CDH20: variants seen among roughly 807,000 people sequenced by gnomAD.
CDH20 encodes the protein cadherin-20.
A neutral mutation model predicts 74.2 loss-of-function variants in CDH20; 29 were observed. The observed-to-expected ratio is 0.39, with a 90% confidence interval of 0.29 to 0.53. The LOEUF is 0.53. CDH20 is among the 20% of genes least tolerant of loss of function. CDH20 has a pLI of 0.69. For missense variants in CDH20, 988 were observed against 1,048.3 expected (o/e 0.94, Z 0.79); for synonymous variants, 469 against 405.4 (o/e 1.16, Z -1.88).
chr18:61,500,527 G>C (rs766228870), intron 4 of CDH20, 25 bp downstream of exon 4: 1 of 1,594,162 alleles, frequency 6.3e-7, no homozygotes, highest in Non-Finnish European at 8.6e-7. Context: ...GGTCGAGTCA[G>C]AGGTGTTTAT....
chr18:61,386,964 T>C (rs1911620506), intron 1 of CDH20, among the ~76,000 whole-genome samples: 1 of 152,210 alleles, frequency 6.6e-6, no homozygotes, highest in South Asian at 2.1e-4. Flanking sequence ...ATTTCTACAT[T>C]TTACAAAGTT....
At position 61,554,259 on chromosome 18, in the gene CDH20, A is replaced by G; in HGVS notation, c.1970A>G (p.Asn657Ser). The G allele has an allele frequency of 1.9e-6, 3 of 1,614,022 alleles. No homozygotes were observed. Among genetic ancestry groups the G allele is most frequent in the Non-Finnish European group, 2.5e-6 (3 of 1,179,998 alleles). ...KQPYIIDDEENIHENIVRYDD... is the reference protein window; with the variant it reads ...KQPYIIDDEESIHENIVRYDD... Reference sequence around the variant, plus strand: ...CCATACATCATCGACGACGAGGAAAACATCCACGAGAACATCGTCCGCTAC... The same window carrying G: ...CCATACATCATCGACGACGAGGAAAGCATCCACGAGAACATCGTCCGCTAC... The change falls in exon 12 of 12, where the codon AAC (asparagine) becomes AGC (serine). Residue 657 changes from asparagine (N) to serine (S), a missense_variant. Asn to Ser is a conservative substitution (Grantham distance 46, BLOSUM62 1). This residue lies in a region of CDH20 where 375 missense variants were observed against 293.1 expected (regional missense o/e 1.28). Transcript: ENST00000262717.
At chr18:61,420,084 G>C (rs1912824251) in intron 1 of CDH20, among the ~76,000 whole-genome samples, 1 of 152,094 alleles carries the variant, frequency 6.6e-6, no homozygotes, top group South Asian at 2.1e-4. Flanking sequence ...TTGTTGATTT[G>C]TATTGAGTTT....
chr18:61,462,246 C>T (rs1261434827), intron 1 of CDH20, among the ~76,000 whole-genome samples: 3 of 152,116 alleles, frequency 2.0e-5, no homozygotes, highest in Admixed American at 6.5e-5. Flanking sequence ...TTGCTTTAGT[C>T]ATTTCACAAT....
chr18:61,408,076 A>G (rs1370455871), intron 1 of CDH20, among the ~76,000 whole-genome samples: 1 of 151,924 alleles, frequency 6.6e-6, no homozygotes, highest in Admixed American at 6.5e-5. Context: ...ATAAAATCAA[A>G]ATCATTTCAA....
intron 1 of CDH20, among the ~76,000 whole-genome samples, chr18:61,367,180 G>A (rs1910890521): frequency 6.6e-6 from 1 of 152,130 alleles, no homozygotes; most frequent in African/African-American, 2.4e-5. Context: ...TCTTAAGAAA[G>A]TAAGAAGAGA....
Position 61,539,019 on chromosome 18 carries a change from T to C in CDH20, c.1409-5T>C, listed in dbSNP as rs781771401. On this transcript the variant is annotated splice_polypyrimidine_tract_variant and splice_region_variant and intron_variant, in intron 8 of 11. Coordinates refer to ENST00000262717, the MANE Select transcript of CDH20 (RefSeq NM_031891.4). ...CAGATTTGGTTTTCCTTGTGTTCCCTTTAGACAATCCCTCCCAGGTTGGAA... is the reference window on the plus strand; with the variant it reads ...CAGATTTGGTTTTCCTTGTGTTCCCCTTAGACAATCCCTCCCAGGTTGGAA... 1.2e-6 allele frequency: 2 copies of C among 1,613,792 alleles called. No homozygotes were observed. The highest frequency in any genetic ancestry group is 2.7e-5 in the African/African-American group (2 of 75,018).
chr18:61,334,307 T>C (rs1599020443), intron 1 of CDH20: 1 of 152,150 alleles, frequency 6.6e-6, no homozygotes, highest in East Asian at 2.0e-4. Context: ...AGAGCCAGGC[T>C]CCGGGGAGGC....
At chr18:61,492,011 T>C (rs1021925016) in intron 2 of CDH20, among the ~76,000 whole-genome samples, 3 of 152,156 alleles carry the variant, frequency 2.0e-5, no homozygotes, top group Non-Finnish European at 4.4e-5. Flanking sequence ...TCTGCAGTTT[T>C]GAATGCCATG....
At chr18:61,376,698 GTTTC>G (rs1216477460) in intron 1 of CDH20, among the ~76,000 whole-genome samples, 3 of 152,160 alleles carry the variant, frequency 2.0e-5, no homozygotes, top group African/African-American at 7.2e-5. Flanking sequence ...TCTGAAGACA[GTTTC>G]TTTATGAGTA....
intron 8 of CDH20, among the ~76,000 whole-genome samples, chr18:61,538,674 A>AGT (rs1247020716): frequency 7.6e-6 from 1 of 132,440 alleles, no homozygotes; most frequent in African/African-American, 2.9e-5. Flanking sequence ...GCCGGACTGC[A>AGT]GTGGTGCTAT....
At chr18:61,456,514 A>G (rs1481939675) in intron 1 of CDH20, among the ~76,000 whole-genome samples, 1 of 152,218 alleles carries the variant, frequency 6.6e-6, no homozygotes, top group East Asian at 1.9e-4. Flanking sequence ...ATGCATGGTT[A>G]AACAGATAAT....
intron 1 of CDH20, among the ~76,000 whole-genome samples, chr18:61,430,397 G>A (rs1338528033): frequency 1.3e-5 from 2 of 152,128 alleles, no homozygotes; most frequent in Non-Finnish European, 2.9e-5. Context: ...CATGTTGATA[G>A]TACCAACATG....
chr18:61,407,118 G>A (rs1477013756), intron 1 of CDH20, among the ~76,000 whole-genome samples: 1 of 152,176 alleles, frequency 6.6e-6, no homozygotes, highest in Non-Finnish European at 1.5e-5. Flanking sequence ...TAGTTGAGGT[G>A]ACCATCTGTG....
intron 6 of CDH20, among the ~76,000 whole-genome samples, chr18:61,514,077 C>T (rs1422137579): frequency 1.4e-4 from 22 of 152,254 alleles, no homozygotes; most frequent in African/African-American, 5.1e-4. Context: ...TTCTCCTGGA[C>T]GATATCCTGC....
At chr18:61,390,000 C>G (rs1273402159) in intron 1 of CDH20, among the ~76,000 whole-genome samples, 1 of 152,146 alleles carries the variant, frequency 6.6e-6, no homozygotes, top group Non-Finnish European at 1.5e-5. Context: ...GCCCCCATGA[C>G]CAACTGCCAC....
At chr18:61,412,060 C>CA (rs202225694) in intron 1 of CDH20, among the ~76,000 whole-genome samples, 2,255 of 146,656 alleles carry the variant, frequency 0.015, 17 homozygotes, top group African/African-American at 0.023. Context: ...ACATTTATGG[C>CA]AAAAAAAAAG....
At chr18:61,446,972 A>G (rs1909223258) in intron 1 of CDH20, among the ~76,000 whole-genome samples, 1 of 152,224 alleles carries the variant, frequency 6.6e-6, no homozygotes, top group South Asian at 2.1e-4. Flanking sequence ...AAATCTTGCA[A>G]TATCCAACGT....
At chr18:61,345,769 T>C (rs945066796) in intron 1 of CDH20, among the ~76,000 whole-genome samples, 2 of 152,160 alleles carry the variant, frequency 1.3e-5, no homozygotes, top group African/African-American at 4.8e-5. Flanking sequence ...CTCTGAGAAG[T>C]ATGCAGGATA....
Sources: allele counts gnomAD v4.1 joint callset (sites outside exome capture counted in the v4.1 genomes callset), GRCh38; gene constraint gnomAD v4.1.1; regional missense constraint gnomAD v4.1.1; transcripts MANE v1.5; gene names NCBI Gene and HGNC (gene_info 2026-07-23, HGNC 2026-07-21).